Variants in OGDHL observed in about 807,000 individuals in gnomAD.
OGDHL encodes 2-oxoglutarate dehydrogenase-like, mitochondrial.
OGDHL carries 79 observed loss-of-function variants against 109.6 expected under a neutral mutation model. That is an observed-to-expected ratio of 0.72 (90% confidence interval 0.60 to 0.87). The LOEUF (loss-of-function observed/expected upper bound fraction) is 0.87, where lower values mean the gene tolerates loss of function less well. Ranked by LOEUF, OGDHL falls within the 40% of genes least tolerant of loss-of-function variation. OGDHL has a pLI of 0.00. For missense variants in OGDHL, 1,275 were observed against 1,362.2 expected, an observed-to-expected ratio of 0.94 and a Z score of 1.01; for synonymous variants, 528 against 537.2, an observed-to-expected ratio of 0.98 and a Z score of 0.24.
intron 17 of OGDHL, chr10:49,739,403 T>G (rs1590685967): frequency 4.5e-6 from 2 of 446,218 alleles, no homozygotes; most frequent in East Asian, 6.9e-5. Context: ...TTGGAAGAGT[T>G]AACATTCAGA....
At chr10:49,742,749 G>C in intron 15 of OGDHL, 79 bp downstream of exon 15, 3 of 1,504,812 alleles carry the variant, frequency 2.0e-6, no homozygotes, top group African/African-American at 1.4e-5. Flanking sequence ...CCCCAACAAA[G>C]GCCCCCTCGG....
In OGDHL at chr10:49,745,460, C is replaced by A; in HGVS notation, c.1513G>T (p.Glu505Ter). 1 of 1,614,108 alleles carries A rather than the reference C, an allele frequency of 6.2e-7. No individual in the cohort carries two copies. The highest frequency in any genetic ancestry group is 8.5e-7 in the Non-Finnish European group (1 of 1,180,042). The stretch of plus-strand genomic sequence containing the variant: ...ATGAGCGGCTGGGTGAACATGGGCT[C>A]GTCCATCTCATTGTGGCCACGCCGG... ...YRRRGHNEMD[E>*]PMFTQPLMYK... Residue 505 changes from glutamate (E) to a stop codon, truncating the protein, a stop_gained, in exon 12 of 23, where the codon GAG (glutamate) becomes TAG (stop). Coordinates refer to ENST00000374103, the MANE Select transcript of OGDHL (RefSeq NM_018245.3). LOFTEE classifies it high-confidence loss of function.
intron 6 of OGDHL, 26 bp downstream of exon 6, chr10:49,751,801 C>T: frequency 1.9e-6 from 3 of 1,610,288 alleles, no homozygotes; most frequent in Non-Finnish European, 8.5e-7. Flanking sequence ...GACCTCCAGC[C>T]ACTTGGCCCT....
At chr10:49,761,555 T>A (rs1412400217) in intron 1 of OGDHL, among the ~76,000 whole-genome samples, 1 of 152,192 alleles carries the variant, frequency 6.6e-6, no homozygotes, top group Non-Finnish European at 1.5e-5. Flanking sequence ...TCTATTTAGT[T>A]GGGGCCTGTT....
rs200028799 is a variant in OGDHL at position 49,745,923 on chromosome 10, C to T, written c.1351G>A (p.Val451Met). The change falls in exon 11 of 23, where the codon GTG (valine) becomes ATG (methionine). Residue 451 changes from valine (V) to methionine (M), a missense_variant. Transcript: ENST00000374103. ...MARSSPYPTD[V>M]ARVVNAPIFH... ...ATAGGCGCATTGACCACCCGGGCCA[C>T]GTCGGTCGGGTATGGTGAGGAGCGG... 11 of 1,614,206 alleles carry T rather than the reference C, an allele frequency of 6.8e-6. No individual in the cohort carries two copies. Among genetic ancestry groups the T allele is most frequent in the African/African-American group, 1.3e-5 (1 of 75,066 alleles).
At chr10:49,738,539 T>A in intron 17 of OGDHL, 2 of 492,634 alleles carry the variant, frequency 4.1e-6, no homozygotes, top group Non-Finnish European at 7.4e-6. Flanking sequence ...CTCTGGAATG[T>A]CCTGGAACAG....
At chr10:49,745,190 C>T (rs778101001) in intron 12 of OGDHL, among the ~76,000 whole-genome samples, 154 bp downstream of exon 12, 2 of 152,220 alleles carry the variant, frequency 1.3e-5, no homozygotes, top group Non-Finnish European at 2.9e-5. Context: ...GTTCTTGGTC[C>T]CCTTTGGTAA....
chr10:49,758,754 CT>C (rs1588813089), intron 1 of OGDHL, 161 bp from the exon 2 acceptor site: 1 of 697,334 alleles, frequency 1.4e-6, no homozygotes, highest in Non-Finnish European at 2.4e-6. Context: ...TCCCAGCCCC[CT>C]GGGCTTACTG....
In OGDHL at chr10:49,735,250, G is replaced by A; in HGVS notation, c.3011C>T (p.Ala1004Val). 6.2e-7 allele frequency: 1 copy of A among 1,614,048 alleles called. No individual in the cohort carries two copies. The highest frequency in any genetic ancestry group is 8.5e-7 in the Non-Finnish European group (1 of 1,179,946). The change falls in exon 23 of 23, where the codon GCC (alanine) becomes GTC (valine). Residue 1004 changes from alanine (A) to valine (V), a missense_variant. By Grantham distance (64) the Ala-to-Val change is moderately conservative. Transcript: ENST00000374103. ...KFLDTAFNLQ[A>V]FEGKTF ...GCTCTAAAATGTCTTGCCCTCAAAG[G>A]CCTGGAGATTGAAGGCAGTATCCAG...
rs768252970 is a variant in OGDHL at position 49,742,927 on chromosome 10, A to G, written c.1913T>C (p.Val638Ala). The stretch of plus-strand genomic sequence containing the variant: ...CATGTACTCTGCCAACGCCCAGTCC[A>G]CCGTCCGGTTCTTGGTCATGTCCGC... ...GRADMTKNRT[V>A]DWALAEYMAF... Residue 638 changes from valine (V) to alanine (A), a missense_variant, in exon 15 of 23, where the codon GTG becomes GCG. Val to Ala is a moderately conservative substitution (Grantham distance 64). Coordinates refer to ENST00000374103, the MANE Select transcript of OGDHL (RefSeq NM_018245.3). The G allele has an allele frequency of 1.2e-6, 2 of 1,613,824 alleles. No individual in the cohort carries two copies. The highest frequency in any genetic ancestry group is 1.1e-5 in the South Asian group (1 of 91,088).
In OGDHL at chr10:49,735,228, C is replaced by T; in HGVS notation, c.3033G>A (p.Ter1011=). The change falls in exon 23 of 23, where the codon TAG becomes TAA. Residue 1011 remains the stop codon, a stop_retained_variant. Transcript: ENST00000374103. ...AGACCTACACAGGTTTTGCCCAGCTCTAAAATGTCTTGCCCTCAAAGGCCT... is the reference window on the plus strand; with the variant it reads ...AGACCTACACAGGTTTTGCCCAGCTTTAAAATGTCTTGCCCTCAAAGGCCT... ...NLQAFEGKTF[*] 6.2e-7 allele frequency: 1 copy of T among 1,613,284 alleles called. No homozygotes were observed. Among genetic ancestry groups the T allele is most frequent in the Non-Finnish European group, 8.5e-7 (1 of 1,179,542 alleles).
chr10:49,746,156 C>A (rs1000193385), intron 10 of OGDHL, among the ~76,000 whole-genome samples, 179 bp from the exon 11 acceptor site: 1 of 152,104 alleles, frequency 6.6e-6, no homozygotes, highest in Non-Finnish European at 1.5e-5. Flanking sequence ...ACAGCTCCCA[C>A]GGGGACGGCA....
At position 49,739,799 on chromosome 10, in the gene OGDHL, C is replaced by G. The variant is rs1251123687; in HGVS notation, c.2181G>C (p.Leu727=). 6.2e-7 allele frequency: 1 copy of G among 1,613,998 alleles called. No homozygotes were observed. The highest frequency in any genetic ancestry group is 2.2e-5 in the East Asian group (1 of 44,896). ...CCCCAAACTGGGCCTCCCAGAGGAC[C>G]AGGGCATTGGGGCTGGCCATGGCAT... The part of the protein sequence containing the change: ...LGYAMASPNA[L]VLWEAQFGDF... The change falls in exon 17 of 23, where the codon CTG becomes CTC. Residue 727 remains leucine (L), a synonymous_variant. Coordinates refer to ENST00000374103, the MANE Select transcript of OGDHL (RefSeq NM_018245.3).
chr10:49,747,513 C>T (rs562365790), intron 8 of OGDHL, among the ~76,000 whole-genome samples: 1 of 152,332 alleles, frequency 6.6e-6, no homozygotes, highest in East Asian at 1.9e-4. Flanking sequence ...AGGGCAGTGC[C>T]TAGGCATCAG....
At chr10:49,738,360 T>C in intron 17 of OGDHL, 98 bp from the exon 18 acceptor site, 1 of 1,301,772 alleles carries the variant, frequency 7.7e-7, no homozygotes, top group Non-Finnish European at 1.1e-6. Flanking sequence ...CTGGAGGGCT[T>C]CTCAGCAGAG....
At chr10:49,741,930 C>A (rs1841705432) in intron 15 of OGDHL, among the ~76,000 whole-genome samples, 2 of 144,990 alleles carry the variant, frequency 1.4e-5, no homozygotes, top group Admixed American at 1.4e-4. Context: ...ACAGACTACA[C>A]ACCACAAACA....
chr10:49,759,172 C>T lies in OGDHL; in HGVS notation c.-1-579G>A, dbSNP rs1300357723. Reference sequence around the variant, plus strand: ...CTCTAGTCATTGCGACCAAAAGTGACCAGTGACTCCCTGTGACTGCAATCC... The same window carrying T: ...CTCTAGTCATTGCGACCAAAAGTGATCAGTGACTCCCTGTGACTGCAATCC... On this transcript the variant is annotated intron_variant, in intron 1 of 22. Coordinates refer to ENST00000374103, the MANE Select transcript of OGDHL (RefSeq NM_018245.3). Among the ~76,000 whole-genome samples, 12 of 152,296 alleles carry T rather than the reference C, an allele frequency of 7.9e-5. No homozygotes were observed. The East Asian group carries it at 1.9e-3, about 24-fold the overall frequency.
chr10:49,743,938 GCA>G, intron 14 of OGDHL, 54 bp downstream of exon 14: 1 of 1,581,592 alleles, frequency 6.3e-7, no homozygotes, highest in Middle Eastern at 1.8e-4. Context: ...TCCCTTCGAG[GCA>G]CAGTGTTGGG....
intron 2 of OGDHL, among the ~76,000 whole-genome samples, chr10:49,758,070 A>G (rs1843022170): frequency 6.6e-6 from 1 of 152,230 alleles, no homozygotes; most frequent in African/African-American, 2.4e-5. Flanking sequence ...TTATCAGATC[A>G]ATACATACAC....
Sources: allele counts gnomAD v4.1 joint callset (sites outside exome capture counted in the v4.1 genomes callset), GRCh38; gene constraint gnomAD v4.1.1; transcripts MANE v1.5; gene names NCBI Gene and HGNC (gene_info 2026-07-23, HGNC 2026-07-21).